CNTRL: variants seen among roughly 807,000 people sequenced by gnomAD.
CNTRL encodes the protein 110 kDa centrosomal protein.
CNTRL carries 233 observed loss-of-function variants against 303.7 expected under a neutral mutation model. The ratio of observed to expected loss-of-function variants is 0.77; its 90% CI spans 0.69 to 0.86. The LOEUF (loss-of-function observed/expected upper bound fraction) is 0.86, where lower values mean the gene tolerates loss of function less well. Ranked by LOEUF, CNTRL falls within the 40% of genes least tolerant of loss-of-function variation. The probability of loss-of-function intolerance (pLI) is 0.00; values close to 1 mark genes in which losing one functional copy is unlikely to be tolerated. For missense variants in CNTRL, 2,524 were observed against 2,650.6 expected (o/e 0.95, Z 1.05); for synonymous variants, 900 against 922.2 (o/e 0.98, Z 0.44).
chr9:121,166,180 G>A lies in CNTRL; in HGVS notation c.5655G>A (p.Gln1885=). 1 of 1,606,602 alleles carries A rather than the reference G, an allele frequency of 6.2e-7. No individual in the cohort carries two copies. The highest frequency in any genetic ancestry group is 1.1e-5 in the South Asian group (1 of 90,356). Residue 1885 remains glutamine (Q), a splice_region_variant and synonymous_variant, in exon 36 of 44, where the codon CAG becomes CAA. Transcript: ENST00000373855. ...AAGACCATTTGAACCTAGCAAAACA[G>A]GTAAGGTTAACAAATGTAATATTCT... ...NVQDHLNLAK[Q]DLLHTTKHQD...
At chr9:121,160,358 C>T in intron 32 of CNTRL, 56 bp downstream of exon 32, 1 of 1,251,232 alleles carries the variant, frequency 8.0e-7, no homozygotes, top group Non-Finnish European at 1.0e-6. Context: ...GTCTGTATTA[C>T]AAGTCACAGA....
chr9:121,085,318 A>G (rs929078021), intron 2 of CNTRL, among the ~76,000 whole-genome samples: 2 of 152,198 alleles, frequency 1.3e-5, no homozygotes, highest in Non-Finnish European at 2.9e-5. Context: ...CTTTACCTGG[A>G]TGCTGATTAC....
chr9:121,148,736 C>T lies in CNTRL; in HGVS notation c.3524C>T (p.Thr1175Ile), dbSNP rs2052026797. ...SGVGLKYSAS[T>I]PVRKPRPGQQ... is the part of the protein sequence containing the mutation. ...GTTGGCCTTAAGTACTCAGCCTCAA[C>T]TCCTGTTAGAAAACCACGCCCTGGG... is the stretch of plus-strand genomic sequence containing the variant. The change falls in exon 24 of 44, where the codon ACT (threonine) becomes ATT (isoleucine). Residue 1175 changes from threonine to isoleucine, a missense_variant. Transcript: ENST00000373855. The T allele has an allele frequency of 6.2e-7, 1 of 1,614,146 alleles. No homozygotes were observed. Among genetic ancestry groups the T allele is most frequent in the African/African-American group, 1.3e-5 (1 of 75,052 alleles).
chr9:121,148,495 A>C (rs2134165417), intron 23 of CNTRL, among the ~76,000 whole-genome samples, 177 bp from the exon 24 acceptor site: 1 of 152,290 alleles, frequency 6.6e-6, no homozygotes, highest in South Asian at 2.1e-4. Context: ...TGTGTATGGA[A>C]CTGCAGTTTA....
chr9:121,145,016 GAC>G, intron 21 of CNTRL, 57 bp downstream of exon 21: 1 of 1,441,356 alleles, frequency 6.9e-7, no homozygotes. Flanking sequence ...GTTCCTAAAA[GAC>G]AAAATTACTG....
At chr9:121,128,709 C>T (rs1299475621) in intron 14 of CNTRL, among the ~76,000 whole-genome samples, 1 of 152,122 alleles carries the variant, frequency 6.6e-6, no homozygotes, top group Non-Finnish European at 1.5e-5. Context: ...GTCATGAAGT[C>T]CTTGCCCATG....
At chr9:121,100,535 A>G (rs1186947284) in intron 7 of CNTRL, among the ~76,000 whole-genome samples, 1 of 152,196 alleles carries the variant, frequency 6.6e-6, no homozygotes, top group Non-Finnish European at 1.5e-5. Context: ...ATCATAATGA[A>G]AGGACCAAAT....
chr9:121,084,055 T>C (rs1209740734), intron 2 of CNTRL, among the ~76,000 whole-genome samples: 1 of 152,234 alleles, frequency 6.6e-6, no homozygotes, highest in Non-Finnish European at 1.5e-5. Flanking sequence ...AAAACTACTT[T>C]AACCTAATAT....
At chr9:121,098,858 G>A (rs922942143) in intron 7 of CNTRL, among the ~76,000 whole-genome samples, 2 of 151,756 alleles carry the variant, frequency 1.3e-5, no homozygotes, top group African/African-American at 2.4e-5. Flanking sequence ...AAAGTAACAG[G>A]GGAACCCTCT....
intron 14 of CNTRL, among the ~76,000 whole-genome samples, chr9:121,134,823 A>G (rs2133843390): frequency 6.6e-6 from 1 of 152,318 alleles, no homozygotes; most frequent in Admixed American, 6.5e-5. Context: ...GGAGAGGCTG[A>G]TCACCTTTCA....
At chr9:121,121,840 G>A in intron 12 of CNTRL, 1 of 985,410 alleles carries the variant, frequency 1.0e-6, no homozygotes, top group Non-Finnish European at 1.2e-6. Flanking sequence ...CAAAAATGTG[G>A]CTGTCAGAGA....
chr9:121,142,415 C>A, intron 19 of CNTRL, 145 bp downstream of exon 19: 2 of 554,080 alleles, frequency 3.6e-6, no homozygotes, highest in South Asian at 4.9e-5. Flanking sequence ...CTAGGTGGGA[C>A]CTGGATGCAT....
chr9:121,148,935 C>A, intron 24 of CNTRL, 74 bp downstream of exon 24: 1 of 1,377,704 alleles, frequency 7.3e-7, no homozygotes, highest in Non-Finnish European at 1.0e-6. Context: ...TCTGAAACCC[C>A]TAAGACACAA....
At chr9:121,150,076 ATGC>A (rs1356299728) in intron 24 of CNTRL, 91 bp from the exon 25 acceptor site, 17 of 964,706 alleles carry the variant, frequency 1.8e-5, no homozygotes, top group Non-Finnish European at 2.6e-5. Flanking sequence ...CTTGGCTTAA[ATGC>A]TGCTGTTCTC....
chr9:121,167,989 G>T, intron 37 of CNTRL, 107 bp from the exon 38 acceptor site: 1 of 938,548 alleles, frequency 1.1e-6, no homozygotes, highest in Non-Finnish European at 1.6e-6. Flanking sequence ...TTGTCCCTGT[G>T]GGCTGTCTTC....
chr9:121,163,759 C>T (rs187024892), intron 34 of CNTRL, among the ~76,000 whole-genome samples: 8 of 151,930 alleles, frequency 5.3e-5, no homozygotes, highest in Non-Finnish European at 1.2e-4. Context: ...TGAAAAGATA[C>T]GCAGGATAAT....
At chr9:121,128,730 G>A (rs759979530) in intron 14 of CNTRL, among the ~76,000 whole-genome samples, 7 of 152,184 alleles carry the variant, frequency 4.6e-5, no homozygotes, top group Non-Finnish European at 1.0e-4. Flanking sequence ...CCTATGTCCT[G>A]AATAGTATTG....
chr9:121,129,303 C>G (rs2050719331), intron 14 of CNTRL, among the ~76,000 whole-genome samples: 1 of 152,068 alleles, frequency 6.6e-6, no homozygotes, highest in Non-Finnish European at 1.5e-5. Context: ...TGTTTGTGTC[C>G]TCTTTTATTT....
intron 39 of CNTRL, among the ~76,000 whole-genome samples, chr9:121,170,130 G>A (rs2053245195): frequency 6.6e-6 from 1 of 152,088 alleles, no homozygotes; most frequent in African/African-American, 2.4e-5. Flanking sequence ...AGGAGGGGGT[G>A]TTGAAGAAGC....
Sources: gnomAD v4.1 joint callset for allele counts (sites outside exome capture counted in the v4.1 genomes callset) on GRCh38, gnomAD v4.1.1 for gene constraint, MANE v1.5 for transcripts, NCBI Gene and HGNC (gene_info 2026-07-23, HGNC 2026-07-21) for gene names.